SPTBN4: variants seen among roughly 807,000 people sequenced by gnomAD.
The protein encoded by SPTBN4 is spectrin beta chain, non-erythrocytic 4.
A neutral mutation model predicts 277.8 loss-of-function variants in SPTBN4; 96 were observed. The ratio of observed to expected loss-of-function variants is 0.35; its 90% CI spans 0.29 to 0.41. The LOEUF (loss-of-function observed/expected upper bound fraction) is 0.41. SPTBN4 is among the 10% of genes least tolerant of loss of function. The pLI is 1.00. For synonymous variants in SPTBN4, 1,481 were observed against 1,580.3 expected (o/e 0.94, Z 1.49); for missense variants, 3,006 against 3,595.7 (o/e 0.84, Z 4.19).
rs367848757 is a variant in SPTBN4 at position 40,506,358 on chromosome 19, C to T, written c.1788C>T (p.Ala596=). The change falls in exon 13 of 36, where the codon GCC becomes GCT. Residue 596 remains alanine, a synonymous_variant. Transcript: ENST00000598249. ...GCGAGCGGGTGGAGGCTCTCAATGC[C>T]GCTGCCCTGCGCTTCTCCCAGCTGC... ...AQSERVEALN[A]AALRFSQLQG... 1.2e-5 allele frequency: 19 copies of T among 1,613,026 alleles called. No individual in the cohort carries two copies. The highest frequency in any genetic ancestry group is 6.7e-5 in the African/African-American group (5 of 74,922).
chr19:40,497,106 T>A (rs1440387865), intron 6 of SPTBN4, among the ~76,000 whole-genome samples: 1 of 149,116 alleles, frequency 6.7e-6, no homozygotes, highest in Non-Finnish European at 1.5e-5. Flanking sequence ...GAGGTACATG[T>A]GTCCTCACAC....
rs2080690867 is a variant in SPTBN4 at position 40,532,679 on chromosome 19, G to A, written c.4003G>A (p.Asp1335Asn). ...GATGGCGCGGGATGGCACGCGGGAG[G>A]ACAACCACAAGCTGCATAAGAGATG... Reference protein sequence around the residue: ...MLMARDGTREDNHKLHKRWLR... With the variant: ...MLMARDGTRENNHKLHKRWLR... Residue 1335 changes from aspartate (D) to asparagine (N), a missense_variant, in exon 19 of 36, where the codon GAC becomes AAC. Around this residue, in one of 5 missense-constraint regions of SPTBN4, gnomAD observed 1,759 missense variants for 2,061.5 expected, o/e 0.85. Coordinates refer to ENST00000598249, the MANE Select transcript of SPTBN4 (RefSeq NM_020971.3). 6.2e-7 allele frequency: 1 copy of A among 1,613,562 alleles called. No homozygotes were observed. The highest frequency in any genetic ancestry group is 8.5e-7 in the Non-Finnish European group (1 of 1,179,688).
intron 14 of SPTBN4, 44 bp downstream of exon 14, chr19:40,513,598 A>G (rs1263675686): frequency 6.8e-7 from 1 of 1,462,646 alleles, no homozygotes; most frequent in African/African-American, 1.4e-5. Flanking sequence ...TTCCTCATGC[A>G]CCCAGTCTCA....
At chr19:40,550,196 G>A in intron 21 of SPTBN4, 42 bp from the exon 22 acceptor site, 1 of 1,568,744 alleles carries the variant, frequency 6.4e-7, no homozygotes, top group Non-Finnish European at 8.8e-7. Flanking sequence ...AGGGGTTCTT[G>A]GATGCATTCT....
intron 1 of SPTBN4, among the ~76,000 whole-genome samples, chr19:40,469,575 A>G (rs10411033): frequency 0.37 from 56,687 of 151,278 alleles, 11,140 homozygotes; most frequent in African/African-American, 0.46. Context: ...TAGTCTTAGA[A>G]TCAGGCCTGG....
rs934757467 is a variant in SPTBN4, at chr19:40,467,261, C to A, written c.-60C>A. Reference sequence around the variant, plus strand: ...GACGCCGACAGGGAGGGCGGTCGGTCGCGGCGAGCAGCGGAGACAGCGACG... The same window carrying A: ...GACGCCGACAGGGAGGGCGGTCGGTAGCGGCGAGCAGCGGAGACAGCGACG... On this transcript the variant is annotated 5_prime_UTR_variant, in exon 1 of 36. Transcript: ENST00000598249. The A allele has an allele frequency of 5.3e-5, 8 of 152,076 alleles. No individual in the cohort carries two copies. Among genetic ancestry groups the A allele is most frequent in the Admixed American group, 2.6e-4 (4 of 15,190 alleles). 9.4% of individuals were successfully genotyped at this position (152,076 alleles called of 1,614,324 possible). A position where few individuals can be genotyped will look rare whatever the true frequency, so the allele number is the denominator to read the frequency against.
chr19:40,523,022 T>C (rs539072947), intron 16 of SPTBN4, among the ~76,000 whole-genome samples: 14 of 152,188 alleles, frequency 9.2e-5, no homozygotes, highest in African/African-American at 3.4e-4. Flanking sequence ...TAATCCCAGA[T>C]ACTTGGGAGG....
At chr19:40,507,594 TAAC>T (rs1464422256) in intron 13 of SPTBN4, among the ~76,000 whole-genome samples, 2 of 151,944 alleles carry the variant, frequency 1.3e-5, no homozygotes, top group African/African-American at 2.4e-5. Flanking sequence ...CTTGTAATCC[TAAC>T]ACTTTGGAAG....
At chr19:40,504,663 C>A (rs1223936006) in intron 12 of SPTBN4, among the ~76,000 whole-genome samples, 3 of 143,516 alleles carry the variant, frequency 2.1e-5, no homozygotes, top group African/African-American at 7.6e-5. Flanking sequence ...AGCGAGACTC[C>A]GTCTCAAAAA....
chr19:40,536,185 C>T (rs908229107), intron 20 of SPTBN4, among the ~76,000 whole-genome samples: 7 of 151,828 alleles, frequency 4.6e-5, no homozygotes, highest in Non-Finnish European at 8.8e-5. Context: ...TCCCCTTCCC[C>T]TCTCTTTTCT....
In SPTBN4 at chr19:40,532,831, C is replaced by T. The variant is rs1413592149; in HGVS notation, c.4095+60C>T. ...GTGCAGGAGGCCTCCAGGGAGCCCA[C>T]GTCTCACCTGCTGCACCCGCTGCTG... On this transcript the variant is annotated intron_variant, in intron 19 of 35. Transcript: ENST00000598249. 7 of 1,534,380 alleles carry T rather than the reference C, an allele frequency of 4.6e-6. No individual in the cohort carries two copies. The East Asian group carries it at 7.0e-5, about 15-fold the overall frequency.
chr19:40,519,304 G>A lies in SPTBN4; in HGVS notation c.2904-97G>A. 1 of 1,248,220 alleles carries A rather than the reference G, an allele frequency of 8.0e-7. No individual in the cohort carries two copies. The highest frequency in any genetic ancestry group is 1.0e-6 in the Non-Finnish European group (1 of 958,202). 77.3% of individuals were successfully genotyped at this position (1,248,220 alleles called of 1,614,324 possible). A position where few individuals can be genotyped will look rare whatever the true frequency, so the allele number is the denominator to read the frequency against. On this transcript the variant is annotated intron_variant, in intron 15 of 35. Coordinates refer to ENST00000598249, the MANE Select transcript of SPTBN4 (RefSeq NM_020971.3). The surrounding 1 kb of genome is among the most constrained non-coding windows in gnomAD (Gnocchi z 5.7). ...AACTTTCTGAGGTCACACAGTGGCT[G>A]GGTGGCTTGGGCCTGGATTCTACCC...
chr19:40,544,247 A>G (rs2080833134), intron 20 of SPTBN4, among the ~76,000 whole-genome samples: 3 of 151,360 alleles, frequency 2.0e-5, no homozygotes, highest in Admixed American at 6.6e-5. Context: ...GGTTCAAGCA[A>G]TTCTCCTGCC....
At chr19:40,488,629 G>C (rs953172820) in intron 3 of SPTBN4, among the ~76,000 whole-genome samples, 4 of 151,970 alleles carry the variant, frequency 2.6e-5, no homozygotes, top group African/African-American at 7.3e-5. Context: ...CCGTCTCTAC[G>C]GTTTGTTTGT....
At chr19:40,493,599 G>A (rs564668680) in intron 5 of SPTBN4, among the ~76,000 whole-genome samples, 17 of 152,130 alleles carry the variant, frequency 1.1e-4, no homozygotes, top group Admixed American at 3.3e-4. Flanking sequence ...GTCTGTAGTC[G>A]TAGCTTCTCA....
chr19:40,494,373 C>T (rs983227481), intron 5 of SPTBN4, among the ~76,000 whole-genome samples: 1 of 151,092 alleles, frequency 6.6e-6, no homozygotes, highest in Non-Finnish European at 1.5e-5. Flanking sequence ...TTTCCCTCCC[C>T]ATCTCTGTCT....
At chr19:40,559,358 G>A (rs903552549) in intron 26 of SPTBN4, among the ~76,000 whole-genome samples, 2 of 152,170 alleles carry the variant, frequency 1.3e-5, no homozygotes, top group South Asian at 4.1e-4. Context: ...CCAACAGAGT[G>A]AGCAGCAGGC....
chr19:40,482,571 A>G (rs930975668), intron 2 of SPTBN4, among the ~76,000 whole-genome samples: 3 of 152,224 alleles, frequency 2.0e-5, no homozygotes, highest in African/African-American at 7.2e-5. Context: ...TTTCATGAGA[A>G]GCCCAAAATC....
chr19:40,556,004 TG>T (rs2080974000), intron 24 of SPTBN4, 79 bp from the exon 25 acceptor site: 2 of 1,292,040 alleles, frequency 1.5e-6, no homozygotes, highest in African/African-American at 1.5e-5. Context: ...AGCCCTGTCC[TG>T]GGGAGGGGGT....
Sources: allele counts gnomAD v4.1 joint callset (sites outside exome capture counted in the v4.1 genomes callset), GRCh38; gene constraint gnomAD v4.1.1; regional missense constraint gnomAD v4.1.1; non-coding constraint Gnocchi (gnomAD v3.1); transcripts MANE v1.5; gene names NCBI Gene and HGNC (gene_info 2026-07-23, HGNC 2026-07-21).